The following FTO variants were observed in gnomAD, a reference collection of about 807,000 sequenced individuals.
FTO encodes alpha-ketoglutarate-dependent dioxygenase FTO.
In FTO, 47 loss-of-function variants were observed where a neutral mutation model predicts 63.9. That is an observed-to-expected ratio of 0.74 (90% confidence interval 0.58 to 0.94). The LOEUF (loss-of-function observed/expected upper bound fraction) is 0.94, where lower values mean the gene tolerates loss of function less well. Ranked by LOEUF, FTO falls within the 40% of genes least tolerant of loss-of-function variation. FTO has a pLI of 0.00. For synonymous variants in FTO, 207 were observed against 224.4 expected, an observed-to-expected ratio of 0.92 and a Z score of 0.69; for missense variants, 562 against 618.1, an observed-to-expected ratio of 0.91 and a Z score of 0.96.
At chr16:53,971,805 C>T (rs2083325591) in intron 8 of FTO, among the ~76,000 whole-genome samples, 1 of 152,156 alleles carries the variant, frequency 6.6e-6, no homozygotes, top group Non-Finnish European at 1.5e-5. Context: ...ACCACAAGCT[C>T]AGGGCTGTAT....
At chr16:53,869,771 T>C (rs1487099201) in intron 4 of FTO, among the ~76,000 whole-genome samples, 1 of 152,202 alleles carries the variant, frequency 6.6e-6, no homozygotes, top group African/African-American at 2.4e-5. Context: ...TTCTTGCATG[T>C]CGTCTACGTT....
At chr16:54,057,861 C>G (rs1459938430) in intron 8 of FTO, among the ~76,000 whole-genome samples, 12 of 152,080 alleles carry the variant, frequency 7.9e-5, no homozygotes, top group Non-Finnish European at 2.9e-5. Flanking sequence ...CTAAGGAGCA[C>G]CAGGAAGATA....
chr16:53,842,938 G>T (rs2079517103), intron 3 of FTO, among the ~76,000 whole-genome samples: 1 of 152,188 alleles, frequency 6.6e-6, no homozygotes, highest in Admixed American at 6.5e-5. Context: ...GCCTCCCAAA[G>T]TGCTGGGATT....
At chr16:54,094,839 A>C (rs1247622875) in intron 8 of FTO, among the ~76,000 whole-genome samples, 1 of 152,166 alleles carries the variant, frequency 6.6e-6, no homozygotes, top group African/African-American at 2.4e-5. Flanking sequence ...AGATGACTCC[A>C]TTCCTAAGGG....
intron 2 of FTO, among the ~76,000 whole-genome samples, chr16:53,815,433 G>T (rs2078647653): frequency 6.6e-6 from 1 of 151,932 alleles, no homozygotes; most frequent in African/African-American, 2.4e-5. Flanking sequence ...CACAGACACT[G>T]CCTCAACTAT....
chr16:53,903,124 T>TAAAAAC (rs1041988740), intron 7 of FTO, among the ~76,000 whole-genome samples: 4 of 152,014 alleles, frequency 2.6e-5, no homozygotes, highest in Non-Finnish European at 5.9e-5. Context: ...AAAATAAAAA[T>TAAAAAC]AAAAACAAAG....
At chr16:53,897,073 T>C (rs2081295729) in intron 7 of FTO, among the ~76,000 whole-genome samples, 1 of 152,200 alleles carries the variant, frequency 6.6e-6, no homozygotes, top group Non-Finnish European at 1.5e-5. Context: ...ATGACCCTTT[T>C]TTAACCAAAG....
At chr16:53,745,239 TG>T (rs551534128) in intron 1 of FTO, among the ~76,000 whole-genome samples, 20 of 152,328 alleles carry the variant, frequency 1.3e-4, no homozygotes, top group African/African-American at 4.6e-4. Context: ...TAATTCCCTT[TG>T]GCTTTTATAG....
At chr16:53,952,189 T>C (rs139277349) in intron 8 of FTO, among the ~76,000 whole-genome samples, 1 of 152,312 alleles carries the variant, frequency 6.6e-6, no homozygotes, top group African/African-American at 2.4e-5. Flanking sequence ...GGTTAGGGAA[T>C]TTACTCAGGA....
intron 4 of FTO, among the ~76,000 whole-genome samples, chr16:53,856,850 A>G (rs974579191): frequency 1.3e-5 from 2 of 152,140 alleles, no homozygotes; most frequent in Non-Finnish European, 2.9e-5. Flanking sequence ...TCAATTCATT[A>G]TAGTGGTTTT....
chr16:53,975,185 A>G (rs1599125868), intron 8 of FTO, among the ~76,000 whole-genome samples: 2 of 151,062 alleles, frequency 1.3e-5, no homozygotes, highest in East Asian at 3.9e-4. Context: ...AGAGTCACGT[A>G]TTTTGGTTTT....
chr16:53,936,747 T>G (rs2082399857), intron 8 of FTO, among the ~76,000 whole-genome samples: 1 of 152,178 alleles, frequency 6.6e-6, no homozygotes, highest in Non-Finnish European at 1.5e-5. Context: ...AATAGAAATT[T>G]TTTTCCTCTG....
At chr16:53,758,436 C>T in intron 1 of FTO, among the ~76,000 whole-genome samples, 1 of 152,076 alleles carries the variant, frequency 6.6e-6, no homozygotes, top group East Asian at 1.9e-4. Context: ...ACCATTGTAA[C>T]CAGGGAAGGA....
intron 1 of FTO, among the ~76,000 whole-genome samples, chr16:53,789,881 ATATATACATATACGTATATATATACAAAT>A (rs1433778669): frequency 1.8e-4 from 3 of 16,364 alleles, no homozygotes; most frequent in South Asian, 1.7e-3. Flanking sequence ...TATACAAATT[ATATATACATATACGTATATATATACAAAT>A]TATATATATA....
At position 54,041,571 on chromosome 16, in the gene FTO, A is replaced by G. The variant is rs149473611; in HGVS notation, c.1365-70191A>G. ...TATCTCATATAGGTCTAAGGAAGGA[A>G]GATTTCCACTGTTTAGACCGGAAGA... is the stretch of plus-strand genomic sequence containing the variant. On this transcript the variant is annotated intron_variant, in intron 8 of 8. Coordinates refer to ENST00000471389, the MANE Select transcript of FTO (RefSeq NM_001080432.3). Among the ~76,000 whole-genome samples, 106 of 152,274 alleles carry G rather than the reference A, an allele frequency of 7.0e-4. 2 individuals carry two copies. The highest frequency in any genetic ancestry group is 2.5e-3 in the African/African-American group (105 of 41,564).
chr16:54,010,277 T>C (rs755348464), intron 8 of FTO, among the ~76,000 whole-genome samples: 1 of 152,014 alleles, frequency 6.6e-6, no homozygotes, highest in African/African-American at 2.4e-5. Context: ...CTGAGTGTGG[T>C]GGTTCATGCC....
intron 2 of FTO, among the ~76,000 whole-genome samples, chr16:53,817,189 A>G (rs1445354508): frequency 6.6e-6 from 1 of 152,184 alleles, no homozygotes; most frequent in East Asian, 1.9e-4. Context: ...GAAGTATTGA[A>G]TGAATGAATG....
intron 8 of FTO, among the ~76,000 whole-genome samples, chr16:54,046,115 T>A (rs1485261744): frequency 3.2e-5 from 3 of 94,172 alleles, no homozygotes; most frequent in Non-Finnish European, 5.3e-5. Context: ...GCCAGGGCAA[T>A]CAAGCAGGAG....
In FTO at chr16:54,027,567, T is replaced by TAA. The variant is rs34493332; in HGVS notation, c.1365-84185_1365-84184dup. On this transcript the variant is annotated intron_variant, in intron 8 of 8. Transcript: ENST00000471389. ...CCTATCACTTTACTCCCTAAAGATT[T>TAA]AAAAAAAAAAATCTGCTTTCTGAAA... 4.1e-4 allele frequency among the ~76,000 whole-genome samples: 61 copies of TAA among 149,754 alleles called. 1 individual carries two copies. In the South Asian group the frequency reaches 9.1e-3, roughly 22 times the overall value.
Sources: allele counts gnomAD v4.1 joint callset (sites outside exome capture counted in the v4.1 genomes callset), GRCh38; gene constraint gnomAD v4.1.1; transcripts MANE v1.5; gene names NCBI Gene and HGNC (gene_info 2026-07-23, HGNC 2026-07-21).